The following GRID2 variants were observed in gnomAD, a reference collection of about 807,000 sequenced individuals.
The protein encoded by GRID2 is glutamate ionotropic receptor delta type subunit 2.
A neutral mutation model predicts 114.8 loss-of-function variants in GRID2; 33 were observed. That is an observed-to-expected ratio of 0.29 (90% confidence interval 0.22 to 0.38). The LOEUF (loss-of-function observed/expected upper bound fraction) is 0.38, where lower values mean the gene tolerates loss of function less well. GRID2 is among the 10% of genes least tolerant of loss of function. The pLI is 1.00. For synonymous variants in GRID2, 505 were observed against 449.9 expected, an observed-to-expected ratio of 1.12 and a Z score of -1.55; for missense variants, 1,184 against 1,257.7, an observed-to-expected ratio of 0.94 and a Z score of 0.89.
chr4:92,999,477 A>G (rs950583226), intron 2 of GRID2, among the ~76,000 whole-genome samples: 2 of 151,884 alleles, frequency 1.3e-5, no homozygotes, highest in East Asian at 3.9e-4. Context: ...AAAACAGACT[A>G]TAGACTATCA....
chr4:93,417,187 T>C (rs944509937), intron 9 of GRID2, among the ~76,000 whole-genome samples: 1 of 151,932 alleles, frequency 6.6e-6, no homozygotes, highest in East Asian at 1.9e-4. Flanking sequence ...AAATATATGT[T>C]AAATAGGCAC....
chr4:93,803,295 T>A (rs1427562747), intron 1 of GRID2, among the ~76,000 whole-genome samples: 1 of 152,148 alleles, frequency 6.6e-6, no homozygotes, highest in African/African-American at 2.4e-5. Context: ...TCAATATCAT[T>A]TATATAAGCA....
intron 2 of GRID2, among the ~76,000 whole-genome samples, chr4:92,971,723 C>T (rs537895685): frequency 2.5e-4 from 38 of 152,088 alleles, no homozygotes; most frequent in Non-Finnish European, 4.4e-4. Flanking sequence ...CTATAATAAC[C>T]ACAATTCTGC....
In GRID2 at chr4:93,629,262, T is replaced by C. The variant is rs967532484; in HGVS notation, c.2360+2827T>C. 8.5e-5 allele frequency among the ~76,000 whole-genome samples: 13 copies of C among 152,290 alleles called. No individual in the cohort carries two copies. In the South Asian group the frequency reaches 1.7e-3, roughly 19 times the overall value. On this transcript the variant is annotated intron_variant, in intron 14 of 15. Coordinates refer to ENST00000282020, the MANE Select transcript of GRID2 (RefSeq NM_001510.4). ...TAAGCATTAAGCATTATTTTTCCTTTGTTTGATATGCAGTACAGATGTTGG... is the reference window on the plus strand; with the variant it reads ...TAAGCATTAAGCATTATTTTTCCTTCGTTTGATATGCAGTACAGATGTTGG...
intron 4 of GRID2, among the ~76,000 whole-genome samples, chr4:93,172,205 CA>C (rs1464978897): frequency 1.3e-5 from 2 of 152,104 alleles, no homozygotes; most frequent in Non-Finnish European, 2.9e-5. Flanking sequence ...TTGTGGTAGT[CA>C]AAGGACCTGC....
At chr4:92,577,433 G>T (rs754707049) in intron 1 of GRID2, among the ~76,000 whole-genome samples, 1 of 152,156 alleles carries the variant, frequency 6.6e-6, no homozygotes, top group Non-Finnish European at 1.5e-5. Flanking sequence ...CAGAGAGAAA[G>T]ATGTTGAACC....
At chr4:92,707,354 T>G (rs1261513196) in intron 2 of GRID2, among the ~76,000 whole-genome samples, 1 of 152,152 alleles carries the variant, frequency 6.6e-6, no homozygotes, top group Admixed American at 6.6e-5. Flanking sequence ...TATAAATGGA[T>G]AGCAAAATTT....
At chr4:92,594,194 G>A (rs1464227111) in intron 2 of GRID2, among the ~76,000 whole-genome samples, 1 of 151,700 alleles carries the variant, frequency 6.6e-6, no homozygotes. Context: ...ACATGAGATA[G>A]CACAATGTAT....
intron 2 of GRID2, among the ~76,000 whole-genome samples, chr4:93,052,116 C>G (rs915814940): frequency 6.6e-6 from 1 of 151,820 alleles, no homozygotes; most frequent in African/African-American, 2.4e-5. Context: ...ATTTCTGGAG[C>G]TTTATTGTTT....
At chr4:93,383,582 A>G (rs543824813) in intron 8 of GRID2, among the ~76,000 whole-genome samples, 11 of 152,212 alleles carry the variant, frequency 7.2e-5, no homozygotes, top group Admixed American at 2.6e-4. Context: ...GGTGCTTTCT[A>G]TTTTGCCAGC....
At chr4:92,471,926 CTTT>C (rs1186215701) in intron 1 of GRID2, among the ~76,000 whole-genome samples, 3 of 57,320 alleles carry the variant, frequency 5.2e-5, no homozygotes, top group Non-Finnish European at 9.3e-5. Context: ...ATCCATATTT[CTTT>C]TTTTTTTTTT....
At chr4:92,412,464 T>C (rs1731386067) in intron 1 of GRID2, among the ~76,000 whole-genome samples, 1 of 152,212 alleles carries the variant, frequency 6.6e-6, no homozygotes, top group East Asian at 1.9e-4. Flanking sequence ...TATTTTTCTC[T>C]AGAAAACAAT....
At chr4:93,249,489 A>G (rs1748595491) in intron 8 of GRID2, among the ~76,000 whole-genome samples, 1 of 152,148 alleles carries the variant, frequency 6.6e-6, no homozygotes. Context: ...CATGATATCG[A>G]TTATTCCTAT....
At chr4:92,760,280 A>G (rs1737938376) in intron 2 of GRID2, among the ~76,000 whole-genome samples, 2 of 151,342 alleles carry the variant, frequency 1.3e-5, no homozygotes, top group African/African-American at 4.9e-5. Flanking sequence ...ATATTTGAAG[A>G]AGTCAGTTAG....
At chr4:92,632,242 A>C (rs577463643) in intron 2 of GRID2, among the ~76,000 whole-genome samples, 1 of 152,254 alleles carries the variant, frequency 6.6e-6, no homozygotes, top group South Asian at 2.1e-4. Flanking sequence ...CACATATTAA[A>C]ATAATTCTTT....
rs190819196 is a variant in GRID2 at position 93,271,267 on chromosome 4, G to A, written c.1245+32777G>A. Among the ~76,000 whole-genome samples the A allele has an allele frequency of 1.2e-3, 178 of 152,222 alleles. 3 individuals are homozygous for A. Among genetic ancestry groups the A allele is most frequent in the African/African-American group, 4.3e-3 (177 of 41,550 alleles). On this transcript the variant is annotated intron_variant, in intron 8 of 15. Coordinates refer to ENST00000282020, the MANE Select transcript of GRID2 (RefSeq NM_001510.4). The stretch of plus-strand genomic sequence containing the variant: ...GCTAGCAAACTGGTAGAATAAATAT[G>A]AACTCTGTGTAATGAGAACATCCAT...
chr4:93,259,296 T>C (rs756867829), intron 8 of GRID2, among the ~76,000 whole-genome samples: 20 of 151,820 alleles, frequency 1.3e-4, no homozygotes, highest in South Asian at 6.2e-4. Flanking sequence ...TTTAATGGTA[T>C]TGCTGTAAAT....
intron 2 of GRID2, among the ~76,000 whole-genome samples, chr4:92,696,500 T>A (rs1290332168): frequency 6.6e-6 from 1 of 152,174 alleles, no homozygotes; most frequent in African/African-American, 2.4e-5. Flanking sequence ...TTACTGTAAT[T>A]ACATATAATT....
intron 1 of GRID2, among the ~76,000 whole-genome samples, chr4:92,573,911 A>G (rs1276297951): frequency 6.6e-6 from 1 of 152,040 alleles, no homozygotes; most frequent in Non-Finnish European, 1.5e-5. Flanking sequence ...TGGGGTGTGA[A>G]AGGCTCACAG....
Sources: gnomAD v4.1 joint callset for allele counts (sites outside exome capture counted in the v4.1 genomes callset) on GRCh38, gnomAD v4.1.1 for gene constraint, MANE v1.5 for transcripts, NCBI Gene and HGNC (gene_info 2026-07-23, HGNC 2026-07-21) for gene names.